Variants in VDAC1 observed in about 807,000 individuals in gnomAD.
VDAC1 encodes the protein non-selective voltage-gated ion channel VDAC1.
Under a neutral mutation model 34.7 loss-of-function variants are expected in VDAC1, and 10 were observed. The observed-to-expected ratio is 0.29, with a 90% CI of 0.18 to 0.49. The LOEUF (loss-of-function observed/expected upper bound fraction) is 0.49. Among genes scored for constraint, VDAC1 ranks in the 20% least tolerant of loss-of-function variants. The pLI, the probability that VDAC1 is intolerant of heterozygous loss-of-function variation, is 0.99. For synonymous variants in VDAC1, 130 were observed against 136.0 expected (o/e 0.96, Z 0.30); for missense variants, 230 against 347.9 (o/e 0.66, Z 2.69).
chr5:134,098,171 TA>T, the VDAC1 span, among the ~76,000 whole-genome samples: 1 of 2,202 alleles, frequency 4.5e-4, no homozygotes, highest in East Asian at 0.022. Flanking sequence ...ATGCCCTGCT[TA>T]TTATTATTAT....
At chr5:133,988,404 T>G (rs972506489) in intron 5 of VDAC1, among the ~76,000 whole-genome samples, 1 of 151,532 alleles carries the variant, frequency 6.6e-6, no homozygotes, top group Non-Finnish European at 1.5e-5. Flanking sequence ...CTGACCAACA[T>G]GGAGAGACCC....
At chr5:134,052,338 T>A in the VDAC1 span, among the ~76,000 whole-genome samples, 1 of 151,432 alleles carries the variant, frequency 6.6e-6, no homozygotes, top group Non-Finnish European at 1.5e-5. Flanking sequence ...ATGTAAAACT[T>A]TTTTTTTTGA....
At chr5:134,059,869 G>A in the VDAC1 span, among the ~76,000 whole-genome samples, 2 of 151,978 alleles carry the variant, frequency 1.3e-5, no homozygotes, top group East Asian at 1.9e-4. Context: ...TGAAGGTGAC[G>A]CAGAGAGGCA....
the VDAC1 span, among the ~76,000 whole-genome samples, chr5:134,109,770 C>CAAAAAAAAAAAAAAAAAAAA: frequency 1.5e-4 from 21 of 140,316 alleles, no homozygotes; most frequent in African/African-American, 5.6e-4. Context: ...GGCTCCATCT[C>CAAAAAAAAAAAAAAAAAAAA]AAAAAAAAAA....
At chr5:134,036,728 C>G in the VDAC1 span, among the ~76,000 whole-genome samples, 1 of 150,854 alleles carries the variant, frequency 6.6e-6, no homozygotes, top group South Asian at 2.1e-4. Context: ...CTGAGGCAGG[C>G]GGATCACGAG....
the VDAC1 span, among the ~76,000 whole-genome samples, chr5:134,039,161 C>G: frequency 1.3e-5 from 2 of 152,136 alleles, no homozygotes; most frequent in Non-Finnish European, 2.9e-5. Context: ...TCCTCCCTTG[C>G]CTGTGGGCCA....
the VDAC1 span, among the ~76,000 whole-genome samples, chr5:134,051,246 G>T: frequency 2.0e-5 from 3 of 152,218 alleles, no homozygotes; most frequent in African/African-American, 7.2e-5. Flanking sequence ...CAGCCCTCCA[G>T]ATTGCAATGG....
At chr5:133,999,524 G>A (rs1188738576) in intron 1 of VDAC1, among the ~76,000 whole-genome samples, 1 of 152,148 alleles carries the variant, frequency 6.6e-6, no homozygotes, top group East Asian at 1.9e-4. Flanking sequence ...TTATGATTGG[G>A]CTTAGCCTTT....
rs71581380 is a variant in VDAC1, at chr5:133,979,424, C to CTTTTTTTTTTTTTTTT, written c.551+1289_551+1304dup. 8.6e-5 allele frequency among the ~76,000 whole-genome samples: 7 copies of CTTTTTTTTTTTTTTTT among 80,992 alleles called. 1 individual carries two copies. The South Asian group carries it at 1.5e-3, about 18-fold the overall frequency. The allele number at this position is 80,992 out of a possible 152,430, so 53.1% of individuals were successfully genotyped here. A position where few individuals can be genotyped will look rare whatever the true frequency, so the allele number is the denominator to read the frequency against. ...TATAATAAAATTGATATTTTCTTTG[C>CTTTTTTTTTTTTTTTT]TTTTTTTTTTTTTTTTTTTTTTTGA... On this transcript the variant is annotated intron_variant, in intron 6 of 8. Transcript: ENST00000265333.
chr5:134,085,722 T>TAAAAGAAAAAAAAAA, the VDAC1 span, among the ~76,000 whole-genome samples: 1 of 44,224 alleles, frequency 2.3e-5, no homozygotes, highest in Non-Finnish European at 3.7e-5. Context: ...ACCCCATTTC[T>TAAAAGAAAAAAAAAA]AAAAAAAAAA....
chr5:134,040,372 C>T, the VDAC1 span, among the ~76,000 whole-genome samples: 3 of 152,030 alleles, frequency 2.0e-5, no homozygotes, highest in East Asian at 1.9e-4. Flanking sequence ...GTCAGGAGTT[C>T]GAAACCAGCC....
chr5:134,007,578 T>C (rs1485404563), upstream of VDAC1, among the ~76,000 whole-genome samples: 1 of 152,036 alleles, frequency 6.6e-6, no homozygotes, highest in East Asian at 1.9e-4. Flanking sequence ...CTGCCACAGC[T>C]GATTGGGTCA....
the VDAC1 span, among the ~76,000 whole-genome samples, chr5:134,046,345 T>A: frequency 1.3e-5 from 2 of 151,972 alleles, no homozygotes; most frequent in South Asian, 2.1e-4. Context: ...TTTAATTTTT[T>A]AAAAAAATAG....
the VDAC1 span, among the ~76,000 whole-genome samples, chr5:134,033,933 A>C: frequency 4.6e-5 from 7 of 152,156 alleles, no homozygotes; most frequent in East Asian, 1.4e-3. Context: ...CGGAGCTTGC[A>C]GTGAGCCGAG....
the VDAC1 span, among the ~76,000 whole-genome samples, chr5:134,087,510 C>T: frequency 6.6e-6 from 1 of 152,194 alleles, no homozygotes; most frequent in East Asian, 1.9e-4. Flanking sequence ...GGATTCCTTG[C>T]ACCCACTGAA....
chr5:134,001,392 T>C (rs1196539979), intron 1 of VDAC1, among the ~76,000 whole-genome samples: 2 of 152,038 alleles, frequency 1.3e-5, no homozygotes, highest in African/African-American at 4.8e-5. Context: ...CAATCAGCAA[T>C]CACTGTAATG....
chr5:134,113,148 G>A, the VDAC1 span, among the ~76,000 whole-genome samples: 1 of 152,228 alleles, frequency 6.6e-6, no homozygotes, highest in African/African-American at 2.4e-5. Context: ...CGGAGCAGAT[G>A]AGGCGAGACT....
chr5:134,068,416 T>A, the VDAC1 span, among the ~76,000 whole-genome samples: 2 of 152,020 alleles, frequency 1.3e-5, no homozygotes, highest in Non-Finnish European at 2.9e-5. Flanking sequence ...CAGTGCTTTT[T>A]TTTTTTTTGT....
At chr5:133,987,470 A>G (rs1440497309) in intron 5 of VDAC1, among the ~76,000 whole-genome samples, 1 of 152,088 alleles carries the variant, frequency 6.6e-6, no homozygotes, top group Non-Finnish European at 1.5e-5. Flanking sequence ...TTGAGCTGAG[A>G]AGTTCTAGAC....
Sources: allele counts gnomAD v4.1 joint callset (sites outside exome capture counted in the v4.1 genomes callset), GRCh38; gene constraint gnomAD v4.1.1; transcripts MANE v1.5; gene names NCBI Gene and HGNC (gene_info 2026-07-23, HGNC 2026-07-21).